DSC1: variants seen among roughly 807,000 people sequenced by gnomAD.
DSC1 encodes desmocollin-1.
DSC1 carries 79 observed loss-of-function variants against 98.8 expected under a neutral mutation model. The observed-to-expected ratio is 0.80, with a 90% confidence interval of 0.67 to 0.96. The LOEUF is 0.96. Ranked by LOEUF, DSC1 falls within the 50% of genes least tolerant of loss-of-function variation. DSC1 has a pLI of 0.00. For missense variants in DSC1, 1,115 were observed against 1,075.9 expected (o/e 1.04, Z -0.51); for synonymous variants, 405 against 372.1 (o/e 1.09, Z -1.02).
chr18:31,130,693 G>T lies in DSC1; in HGVS notation c.2506C>A (p.Gln836Lys), dbSNP rs1223243001. The T allele has an allele frequency of 2.5e-6, 4 of 1,613,862 alleles. No homozygotes were observed. Among genetic ancestry groups the T allele is most frequent in the Non-Finnish European group, 3.4e-6 (4 of 1,180,012 alleles). ...RLGEKVYLCG[Q>K]DEEHKHCEDY... Reference sequence around the variant, plus strand: ...TCACAATGTTTATGCTCCTCATCTTGTCCACACAAATACACCTTCTGTATC... The same window carrying T: ...TCACAATGTTTATGCTCCTCATCTTTTCCACACAAATACACCTTCTGTATC... Residue 836 changes from glutamine to lysine, a missense_variant, in exon 16 of 16, where the codon CAA (glutamine) becomes AAA (lysine). Transcript: ENST00000257198.
At position 31,142,111 on chromosome 18, in the gene DSC1, G is replaced by T. The variant is rs1988750163; in HGVS notation, c.1148C>A (p.Pro383Gln). 4 of 1,613,226 alleles carry T rather than the reference G, an allele frequency of 2.5e-6. No individual in the cohort carries two copies. Among genetic ancestry groups the T allele is most frequent in the Non-Finnish European group, 1.7e-6 (2 of 1,179,688 alleles). ...TACAGCCTTTGAGTGAGGAGTGTTT[G>T]GCAAATCCTGATCCTGTACCTTCAT... ...LRMKVQDQDLPNTPHSKAVYK... is the reference protein window; with the variant it reads ...LRMKVQDQDLQNTPHSKAVYK... The change falls in exon 9 of 16, where the codon CCA becomes CAA. Residue 383 changes from proline (P) to glutamine (Q), a missense_variant. Transcript: ENST00000257198.
chr18:31,137,295 AT>A (rs1988632041), intron 11 of DSC1, among the ~76,000 whole-genome samples: 1 of 152,164 alleles, frequency 6.6e-6, no homozygotes, highest in African/African-American at 2.4e-5. Flanking sequence ...ACCCTTAAAT[AT>A]TTGTTCTCTT....
At chr18:31,146,736 A>G (rs1988854670) in intron 6 of DSC1, among the ~76,000 whole-genome samples, 2 of 152,204 alleles carry the variant, frequency 1.3e-5, no homozygotes, top group South Asian at 4.1e-4. Flanking sequence ...CCATTTTTGA[A>G]TGGGACCTTC....
chr18:31,152,698 T>C (rs928416130), intron 5 of DSC1, among the ~76,000 whole-genome samples: 1 of 151,912 alleles, frequency 6.6e-6, no homozygotes, highest in Non-Finnish European at 1.5e-5. Flanking sequence ...CTCTAGGAGG[T>C]TGTGATTTGT....
At position 31,140,022 on chromosome 18, in the gene DSC1, C is replaced by G; in HGVS notation, c.1520+20G>C. 2 of 1,584,484 alleles carry G rather than the reference C, an allele frequency of 1.3e-6. No individual in the cohort carries two copies. The highest frequency in any genetic ancestry group is 1.7e-6 in the Non-Finnish European group (2 of 1,168,060). The stretch of plus-strand genomic sequence containing the variant: ...TTACATCACAATTAAAATTAAGGAG[C>G]TTTTTGAAAAGTACATCACCTTAAG... On this transcript the variant is annotated intron_variant, in intron 10 of 15. Coordinates refer to ENST00000257198, the MANE Select transcript of DSC1 (RefSeq NM_024421.2).
intron 4 of DSC1, 32 bp from the exon 5 acceptor site, chr18:31,154,961 C>A: frequency 6.2e-7 from 1 of 1,604,210 alleles, no homozygotes; most frequent in Non-Finnish European, 8.5e-7. Context: ...AGAACAAATA[C>A]GTCATGATGA....
chr18:31,159,275 G>C (rs923410691), intron 2 of DSC1, among the ~76,000 whole-genome samples, 170 bp downstream of exon 2: 1 of 147,712 alleles, frequency 6.8e-6, no homozygotes, highest in Non-Finnish European at 1.5e-5. Context: ...GGATGGTCTC[G>C]ATCTCCTGAC....
chr18:31,159,649 C>T, intron 1 of DSC1, 120 bp from the exon 2 acceptor site: 2 of 969,780 alleles, frequency 2.1e-6, no homozygotes, highest in Non-Finnish European at 3.0e-6. Flanking sequence ...TCATTTAATT[C>T]TTTACATTTT....
intron 6 of DSC1, among the ~76,000 whole-genome samples, chr18:31,146,912 G>A (rs1292587762): frequency 6.6e-6 from 1 of 152,142 alleles, no homozygotes; most frequent in Non-Finnish European, 1.5e-5. Context: ...AAATCATAGG[G>A]AGTAGTCTAT....
intron 5 of DSC1, among the ~76,000 whole-genome samples, 170 bp from the exon 6 acceptor site, chr18:31,148,812 C>T (rs2144944414): frequency 6.6e-6 from 1 of 152,232 alleles, no homozygotes; most frequent in South Asian, 2.1e-4. Flanking sequence ...TCTCTGCCTG[C>T]CATGTGATTT....
intron 5 of DSC1, among the ~76,000 whole-genome samples, chr18:31,150,136 C>G (rs953300342): frequency 6.7e-6 from 1 of 148,676 alleles, no homozygotes; most frequent in Non-Finnish European, 1.5e-5. Flanking sequence ...CCACCATTAT[C>G]ACCATTATCA....
intron 6 of DSC1, among the ~76,000 whole-genome samples, chr18:31,147,620 GT>G (rs930231950): frequency 6.6e-6 from 1 of 152,074 alleles, no homozygotes; most frequent in Non-Finnish European, 1.5e-5. Flanking sequence ...AAAATCTAGT[GT>G]TTTCCTAAAA....
intron 7 of DSC1, 104 bp downstream of exon 7, chr18:31,145,507 T>C: frequency 1.5e-6 from 2 of 1,290,588 alleles, no homozygotes; most frequent in South Asian, 1.4e-5. Context: ...TACAGAAGCA[T>C]GCTGAGAAAG....
At chr18:31,152,216 T>C (rs1365438581) in intron 5 of DSC1, among the ~76,000 whole-genome samples, 1 of 151,600 alleles carries the variant, frequency 6.6e-6, no homozygotes, top group Non-Finnish European at 1.5e-5. Context: ...TCTGGTTGAA[T>C]AGGAATAGGT....
intron 15 of DSC1, among the ~76,000 whole-genome samples, chr18:31,131,025 C>A (rs144417688): frequency 1.1e-4 from 17 of 152,274 alleles, no homozygotes; most frequent in African/African-American, 4.1e-4. Flanking sequence ...AGCTTCTTCA[C>A]GTATTTGAGG....
At chr18:31,162,300 G>A (rs1243968396) in intron 1 of DSC1, among the ~76,000 whole-genome samples, 1 of 152,164 alleles carries the variant, frequency 6.6e-6, no homozygotes, top group African/African-American at 2.4e-5. Context: ...GGATTCCCTT[G>A]AAAACTTTTA....
intron 3 of DSC1, 86 bp from the exon 4 acceptor site, chr18:31,156,248 A>G: frequency 6.6e-7 from 1 of 1,510,644 alleles, no homozygotes; most frequent in Non-Finnish European, 8.9e-7. Flanking sequence ...CAACAAGCAG[A>G]TGTAAGGGTT....
rs1340884741 is a variant in DSC1 at position 31,130,549 on chromosome 18, A to G, written c.2650T>C (p.Phe884Leu). 1 of 1,614,106 alleles carries G rather than the reference A, an allele frequency of 6.2e-7. No homozygotes were observed. The highest frequency in any genetic ancestry group is 1.7e-5 in the Admixed American group (1 of 60,010). Residue 884 changes from phenylalanine to leucine, a missense_variant, in exon 16 of 16, where the codon TTT (phenylalanine) becomes CTT (leucine). Coordinates refer to ENST00000257198, the MANE Select transcript of DSC1 (RefSeq NM_024421.2). ...ATGCATGTCTTTGCTAATGTCCTAAATTTGGGTTCCAGGTGATCTAGAAAC... is the reference window on the plus strand; with the variant it reads ...ATGCATGTCTTTGCTAATGTCCTAAGTTTGGGTTCCAGGTGATCTAGAAAC... ...LEFLDHLEPKFRTLAKTCIKK is the reference protein window; with the variant it reads ...LEFLDHLEPKLRTLAKTCIKK
chr18:31,142,042 C>G lies in DSC1; in HGVS notation c.1217G>C (p.Ser406Thr), dbSNP rs188243091. 5.0e-6 allele frequency: 8 copies of G among 1,611,958 alleles called. No individual in the cohort carries two copies. In the East Asian group the frequency reaches 1.3e-4, roughly 27 times the overall value. ...QGNENGNFII[S>T]TDPNTNEGVL... ...TCCTTCATTTGTATTTGGATCTGTG[C>G]TAATTATGAAGTTTCCATTTTCATT... The change falls in exon 9 of 16, where the codon AGC becomes ACC. Residue 406 changes from serine (S) to threonine (T), a missense_variant. Coordinates refer to ENST00000257198, the MANE Select transcript of DSC1 (RefSeq NM_024421.2).
Sources: allele counts gnomAD v4.1 joint callset (sites outside exome capture counted in the v4.1 genomes callset), GRCh38; gene constraint gnomAD v4.1.1; transcripts MANE v1.5; gene names NCBI Gene and HGNC (gene_info 2026-07-23, HGNC 2026-07-21).